Variants in CTNNA3 observed in about 807,000 individuals in gnomAD.
CTNNA3 encodes catenin alpha 3, also known as catenin alpha-3.
Under a neutral mutation model 95.7 loss-of-function variants are expected in CTNNA3, and 76 were observed. That is an observed-to-expected ratio of 0.79 (90% confidence interval 0.66 to 0.96). The LOEUF (loss-of-function observed/expected upper bound fraction) is 0.96, where lower values mean the gene tolerates loss of function less well. Among genes scored for constraint, CTNNA3 ranks in the 40% least tolerant of loss-of-function variants. The probability of loss-of-function intolerance (pLI) is 0.00; values close to 1 mark genes in which losing one functional copy is unlikely to be tolerated. For missense variants in CTNNA3, 1,191 were observed against 1,089.8 expected, an observed-to-expected ratio of 1.09 and a Z score of -1.31; for synonymous variants, 431 against 374.4, an observed-to-expected ratio of 1.15 and a Z score of -1.74.
At chr10:66,222,710 G>A (rs1227716804) in intron 13 of CTNNA3, among the ~76,000 whole-genome samples, 2 of 148,460 alleles carry the variant, frequency 1.3e-5, no homozygotes, top group South Asian at 4.4e-4. Flanking sequence ...GAAAGGGAAG[G>A]GAAGAAGGGA....
intron 7 of CTNNA3, among the ~76,000 whole-genome samples, chr10:67,161,007 G>C (rs1050770550): frequency 3.9e-5 from 6 of 152,114 alleles, no homozygotes; most frequent in Non-Finnish European, 8.8e-5. Context: ...AGGGTAGAAT[G>C]GTGGGTGCTA....
chr10:66,631,750 C>T (rs1288499087), intron 9 of CTNNA3, among the ~76,000 whole-genome samples: 1 of 131,466 alleles, frequency 7.6e-6, no homozygotes, highest in Admixed American at 8.2e-5. Context: ...TCTAGTAAAT[C>T]TAAATGAATA....
intron 9 of CTNNA3, among the ~76,000 whole-genome samples, chr10:66,710,390 C>T (rs1460490092): frequency 6.6e-6 from 1 of 151,984 alleles, no homozygotes; most frequent in Non-Finnish European, 1.5e-5. Flanking sequence ...TGGGCTTTTC[C>T]CTTTTGAGAA....
rs965605652 is a variant in CTNNA3, at chr10:66,503,579, C to T, written c.1531+17038G>A. Among the ~76,000 whole-genome samples, 7 of 152,118 alleles carry T rather than the reference C, an allele frequency of 4.6e-5. 2 individuals carry two copies. The highest frequency in any genetic ancestry group is 3.9e-4 in the Admixed American group (6 of 15,258). Reference sequence around the variant, plus strand: ...TGCCTCCCGGGTTCAAGCAATTCTGCTGCCTCAGCCTCCCTAGTAGCTGGG... The same window carrying T: ...TGCCTCCCGGGTTCAAGCAATTCTGTTGCCTCAGCCTCCCTAGTAGCTGGG... On this transcript the variant is annotated intron_variant, in intron 11 of 17. Transcript: ENST00000433211.
chr10:66,664,260 T>C (rs1162302757), intron 9 of CTNNA3, among the ~76,000 whole-genome samples: 1 of 152,160 alleles, frequency 6.6e-6, no homozygotes, highest in Non-Finnish European at 1.5e-5. Context: ...AAGCTCCTGA[T>C]ACTCTTGCCC....
intron 5 of CTNNA3, among the ~76,000 whole-genome samples, chr10:67,406,865 C>G (rs1845156485): frequency 6.6e-6 from 1 of 151,988 alleles, no homozygotes; most frequent in Non-Finnish European, 1.5e-5. Context: ...AAGACTGAAC[C>G]AGAAAGAAAC....
intron 11 of CTNNA3, among the ~76,000 whole-genome samples, chr10:66,492,305 A>G (rs745799547): frequency 6.6e-6 from 1 of 152,096 alleles, no homozygotes; most frequent in Admixed American, 6.6e-5. Flanking sequence ...TTGTTTTGAG[A>G]CAATGTCTCA....
chr10:67,097,017 G>A (rs916015520), intron 7 of CTNNA3, among the ~76,000 whole-genome samples: 1 of 151,822 alleles, frequency 6.6e-6, no homozygotes, highest in Non-Finnish European at 1.5e-5. Context: ...AATGGTTATC[G>A]AAGTGTGGTG....
At chr10:66,180,293 G>C (rs529829555) in intron 13 of CTNNA3, among the ~76,000 whole-genome samples, 1 of 152,118 alleles carries the variant, frequency 6.6e-6, no homozygotes, top group Non-Finnish European at 1.5e-5. Flanking sequence ...CAATCTAAGT[G>C]ATGGTGACAG....
At chr10:66,858,407 G>T (rs1002020351) in intron 7 of CTNNA3, among the ~76,000 whole-genome samples, 9 of 151,958 alleles carry the variant, frequency 5.9e-5, no homozygotes, top group Admixed American at 5.2e-4. Context: ...GGATGAGGCT[G>T]GTCTCATAGA....
intron 7 of CTNNA3, among the ~76,000 whole-genome samples, chr10:67,172,273 C>G (rs145107020): frequency 0.022 from 3,310 of 152,288 alleles, 79 homozygotes; most frequent in Admixed American, 0.066. Flanking sequence ...TTATCATGTT[C>G]CATTTCACGT....
At chr10:67,070,432 T>A (rs1023803525) in intron 7 of CTNNA3, among the ~76,000 whole-genome samples, 4 of 151,742 alleles carry the variant, frequency 2.6e-5, no homozygotes, top group East Asian at 1.9e-4. Flanking sequence ...ATATATATAT[T>A]TTTTATGTTT....
intron 5 of CTNNA3, among the ~76,000 whole-genome samples, chr10:67,479,931 A>T (rs1173022668): frequency 6.6e-6 from 1 of 152,200 alleles, no homozygotes; most frequent in Non-Finnish European, 1.5e-5. Context: ...ACAGAAATAC[A>T]AAAGATCCTC....
chr10:66,327,230 C>A (rs1163735723), intron 12 of CTNNA3, among the ~76,000 whole-genome samples: 1 of 152,026 alleles, frequency 6.6e-6, no homozygotes, highest in Non-Finnish European at 1.5e-5. Context: ...TAAAAGCCAG[C>A]AACTGTGAAT....
chr10:67,599,096 C>T (rs1843005967), intron 3 of CTNNA3, among the ~76,000 whole-genome samples: 1 of 152,172 alleles, frequency 6.6e-6, no homozygotes, highest in Non-Finnish European at 1.5e-5. Flanking sequence ...ACCAAGGCCA[C>T]ACTATAGAAT....
intron 17 of CTNNA3, among the ~76,000 whole-genome samples, chr10:65,950,123 G>T (rs1009928923): frequency 6.6e-6 from 1 of 151,834 alleles, no homozygotes; most frequent in Admixed American, 6.6e-5. Flanking sequence ...GTAATCAAAA[G>T]GGAAAATATG....
intron 7 of CTNNA3, among the ~76,000 whole-genome samples, chr10:66,949,315 G>C (rs1239848159): frequency 6.6e-6 from 1 of 152,174 alleles, no homozygotes; most frequent in Non-Finnish European, 1.5e-5. Context: ...CCAGCACTTT[G>C]GGAGGCCGAG....
At chr10:66,777,385 G>A (rs1840344673) in intron 7 of CTNNA3, among the ~76,000 whole-genome samples, 1 of 152,144 alleles carries the variant, frequency 6.6e-6, no homozygotes, top group Non-Finnish European at 1.5e-5. Context: ...TGGAAACTGT[G>A]TCTAGGGAAG....
At chr10:67,086,975 G>T (rs1857347343) in intron 7 of CTNNA3, among the ~76,000 whole-genome samples, 2 of 151,966 alleles carry the variant, frequency 1.3e-5, no homozygotes, top group African/African-American at 4.8e-5. Context: ...AGAAGAATGA[G>T]ATGTTTTCAT....
Sources: allele counts gnomAD v4.1 joint callset (sites outside exome capture counted in the v4.1 genomes callset), GRCh38; gene constraint gnomAD v4.1.1; transcripts MANE v1.5; gene names NCBI Gene and HGNC (gene_info 2026-07-23, HGNC 2026-07-21).